ZFAT: variants seen among roughly 807,000 people sequenced by gnomAD.
The protein encoded by ZFAT is zinc finger protein ZFAT.
A neutral mutation model predicts 117.7 loss-of-function variants in ZFAT; 64 were observed. The observed-to-expected ratio is 0.54, with a 90% CI of 0.44 to 0.67. The LOEUF (loss-of-function observed/expected upper bound fraction) is 0.67. Ranked by LOEUF, ZFAT falls within the 30% of genes least tolerant of loss-of-function variation. The pLI is 0.00. For synonymous variants in ZFAT, 679 were observed against 615.0 expected (o/e 1.10, Z -1.54); for missense variants, 1,433 against 1,584.5 (o/e 0.90, Z 1.62).
At chr8:134,616,626 C>T (rs539149250) in intron 3 of ZFAT, among the ~76,000 whole-genome samples, 1 of 152,316 alleles carries the variant, frequency 6.6e-6, no homozygotes, top group East Asian at 1.9e-4. Context: ...CTATGCTCCC[C>T]TCCAGCTTCC....
At chr8:134,637,785 T>G (rs1046733177) in intron 2 of ZFAT, 73 bp from the exon 3 acceptor site, 1 of 1,538,878 alleles carries the variant, frequency 6.5e-7, no homozygotes, top group African/African-American at 1.4e-5. Context: ...ACCCTCCAAG[T>G]GTGAGGATAT....
chr8:134,494,909 C>T (rs577772087), intron 15 of ZFAT, among the ~76,000 whole-genome samples: 9 of 152,258 alleles, frequency 5.9e-5, no homozygotes, highest in South Asian at 2.1e-4. Flanking sequence ...TGACAGTCTC[C>T]GATCTTATGC....
chr8:134,642,860 T>C (rs746924990), intron 2 of ZFAT, among the ~76,000 whole-genome samples: 1 of 152,014 alleles, frequency 6.6e-6, no homozygotes, highest in African/African-American at 2.4e-5. Context: ...CAGGAAGCAA[T>C]AGGGGAGACA....
chr8:134,803,806 C>A, the ZFAT span, among the ~76,000 whole-genome samples: 5 of 152,076 alleles, frequency 3.3e-5, no homozygotes, highest in African/African-American at 1.2e-4. Flanking sequence ...ATAGAATTAT[C>A]AAGATTTAAT....
In ZFAT at chr8:134,697,208, T is replaced by G. The variant is rs917385550; in HGVS notation, c.19+15637A>C. ...CGGCTTACTGCAACCTCCGCCTCCC[T>G]GGTTCAAGCAATTATCCGCCTCAGC... is the stretch of plus-strand genomic sequence containing the variant. On this transcript the variant is annotated intron_variant, in intron 1 of 15. Transcript: ENST00000377838. 2.1e-4 allele frequency among the ~76,000 whole-genome samples: 32 copies of G among 151,902 alleles called. 1 individual carries two copies. Among genetic ancestry groups the G allele is most frequent in the African/African-American group, 6.5e-4 (27 of 41,390 alleles).
the ZFAT span, among the ~76,000 whole-genome samples, chr8:134,801,856 G>T: frequency 6.6e-6 from 1 of 152,186 alleles, no homozygotes; most frequent in Non-Finnish European, 1.5e-5. Flanking sequence ...AGCAGGAAAA[G>T]AATGTAAGAT....
At chr8:134,585,824 T>C (rs1465167492) in intron 9 of ZFAT, among the ~76,000 whole-genome samples, 1 of 152,194 alleles carries the variant, frequency 6.6e-6, no homozygotes, top group East Asian at 1.9e-4. Flanking sequence ...CTGTAGTGGA[T>C]GGGTCCCAGG....
At chr8:134,739,977 G>C in the ZFAT span, among the ~76,000 whole-genome samples, 1 of 152,226 alleles carries the variant, frequency 6.6e-6, no homozygotes, top group South Asian at 2.1e-4. Context: ...CCTTGGGGGA[G>C]ATAACTCCAA....
chr8:134,600,439 T>C lies in ZFAT; in HGVS notation c.2472A>G (p.Ala824=). Residue 824 remains alanine (A), a synonymous_variant, in exon 7 of 16, where the codon GCA becomes GCG. Transcript: ENST00000377838. Reference sequence around the variant, plus strand: ...GCCGCTTGGGCTTGCTACTTACCAGTGCTGTGTGAACTTTAAGATGTGCCT... The same window carrying C: ...GCCGCTTGGGCTTGCTACTTACCAGCGCTGTGTGAACTTTAAGATGTGCCT... The part of the protein sequence containing the change: ...KLQAHLKVHT[A]LDKRSYSCPV... 1 of 1,614,112 alleles carries C rather than the reference T, an allele frequency of 6.2e-7. No homozygotes were observed. The highest frequency in any genetic ancestry group is 8.5e-7 in the Non-Finnish European group (1 of 1,179,920).
intron 1 of ZFAT, among the ~76,000 whole-genome samples, chr8:134,667,141 G>A (rs557901313): frequency 6.6e-6 from 1 of 152,306 alleles, no homozygotes; most frequent in Admixed American, 6.5e-5. Flanking sequence ...TCAGGGGCTG[G>A]GAGGAAAGGG....
At chr8:134,662,279 C>T (rs1266548092) in intron 1 of ZFAT, among the ~76,000 whole-genome samples, 2 of 152,146 alleles carry the variant, frequency 1.3e-5, no homozygotes, top group Non-Finnish European at 2.9e-5. Context: ...TAGGCCATCA[C>T]ATTAGGGGGT....
intron 10 of ZFAT, among the ~76,000 whole-genome samples, chr8:134,571,636 T>C (rs77669325): frequency 0.028 from 4,248 of 152,284 alleles, 64 homozygotes; most frequent in Non-Finnish European, 0.035. Context: ...GAATGAGACT[T>C]AATTAACTGA....
chr8:134,595,594 C>T (rs190027005), intron 7 of ZFAT, among the ~76,000 whole-genome samples: 112 of 152,316 alleles, frequency 7.4e-4, no homozygotes, highest in African/African-American at 2.6e-3. Context: ...CAAGTGCCCC[C>T]TTTATAAAGT....
chr8:134,567,531 A>G (rs1824560879), intron 10 of ZFAT, among the ~76,000 whole-genome samples: 1 of 152,032 alleles, frequency 6.6e-6, no homozygotes, highest in Admixed American at 6.6e-5. Context: ...CCACACATGC[A>G]TCCTGATGCC....
chr8:134,641,379 A>G (rs922651512), intron 2 of ZFAT, among the ~76,000 whole-genome samples: 1 of 152,120 alleles, frequency 6.6e-6, no homozygotes, highest in Non-Finnish European at 1.5e-5. Context: ...TATTCTCCCA[A>G]GCTGTGACCA....
chr8:134,767,039 T>G, the ZFAT span: 34 of 152,364 alleles, frequency 2.2e-4, no homozygotes, highest in African/African-American at 7.2e-4. Flanking sequence ...ATACCACAAG[T>G]TACTCCAGGG....
At chr8:134,749,773 C>T in the ZFAT span, among the ~76,000 whole-genome samples, 1 of 152,206 alleles carries the variant, frequency 6.6e-6, no homozygotes, top group African/African-American at 2.4e-5. Flanking sequence ...TGTCATAGAT[C>T]AAGCCCATGT....
At chr8:134,795,046 T>G in the ZFAT span, 2 of 152,174 alleles carry the variant, frequency 1.3e-5, no homozygotes, top group African/African-American at 4.8e-5. Context: ...GTCACAAAAA[T>G]GGCAAGTGAG....
intron 1 of ZFAT, among the ~76,000 whole-genome samples, chr8:134,712,604 C>T (rs1050041691): frequency 1.3e-5 from 2 of 149,568 alleles, no homozygotes; most frequent in African/African-American, 4.9e-5. Flanking sequence ...CGCATGCTCT[C>T]CCACTCGCTC....
Sources: gnomAD v4.1 joint callset for allele counts (sites outside exome capture counted in the v4.1 genomes callset) on GRCh38, gnomAD v4.1.1 for gene constraint, MANE v1.5 for transcripts, NCBI Gene and HGNC (gene_info 2026-07-23, HGNC 2026-07-21) for gene names.